The following CRACR2A variants were observed in gnomAD, a reference collection of about 807,000 sequenced individuals.
The protein encoded by CRACR2A is EF-hand calcium-binding domain-containing protein 4B.
In CRACR2A, 79 loss-of-function variants were observed where a neutral mutation model predicts 90.5. The ratio of observed to expected loss-of-function variants is 0.87; its 90% CI spans 0.73 to 1.05. CRACR2A has a LOEUF of 1.05. Ranked by LOEUF, CRACR2A falls within the 50% of genes least tolerant of loss-of-function variation. CRACR2A has a pLI of 0.00. For synonymous variants in CRACR2A, 338 were observed against 356.7 expected, an observed-to-expected ratio of 0.95 and a Z score of 0.59; for missense variants, 823 against 897.2, an observed-to-expected ratio of 0.92 and a Z score of 1.06.
chr12:3,656,284 A>T lies in CRACR2A; in HGVS notation c.858+27T>A, dbSNP rs746269251. Reference sequence around the variant, plus strand: ...AAAAGGAGAGAGTGAAGAGCCAGGTACTCTGGGGCCATGGATGGCAACATA... The same window carrying T: ...AAAAGGAGAGAGTGAAGAGCCAGGTTCTCTGGGGCCATGGATGGCAACATA... On this transcript the variant is annotated intron_variant, in intron 9 of 19. Transcript: ENST00000440314. 2.5e-6 allele frequency: 4 copies of T among 1,607,108 alleles called. No homozygotes were observed. The African/African-American group carries it at 5.4e-5, about 21-fold the overall frequency.
intron 2 of CRACR2A, among the ~76,000 whole-genome samples, chr12:3,723,879 T>C (rs970201146): frequency 1.3e-5 from 2 of 152,202 alleles, no homozygotes; most frequent in Admixed American, 1.3e-4. Context: ...GTCAGTCATA[T>C]GACGGTGTCC....
intron 7 of CRACR2A, among the ~76,000 whole-genome samples, chr12:3,660,277 A>G (rs193166700): frequency 6.6e-6 from 1 of 152,256 alleles, no homozygotes; most frequent in African/African-American, 2.4e-5. Context: ...CCCACCACAA[A>G]GCAAAAGCGA....
chr12:3,636,469 CCT>C (rs1259942650), intron 14 of CRACR2A, among the ~76,000 whole-genome samples: 1 of 152,190 alleles, frequency 6.6e-6, no homozygotes, highest in Non-Finnish European at 1.5e-5. Context: ...GTGGGGCTGG[CCT>C]CTCTCCCCTC....
At chr12:3,698,534 T>C (rs929646485) in intron 3 of CRACR2A, among the ~76,000 whole-genome samples, 1 of 152,186 alleles carries the variant, frequency 6.6e-6, no homozygotes, top group Non-Finnish European at 1.5e-5. Flanking sequence ...ATGAACTTCA[T>C]GTAATAAGGC....
At position 3,679,099 on chromosome 12, in the gene CRACR2A, C is replaced by A; in HGVS notation, c.341-1G>T. On this transcript the variant is annotated splice_acceptor_variant, in intron 5 of 19. Transcript: ENST00000440314. LOFTEE classifies it high-confidence loss of function. ...TTATTCTGGCTGAAGAAGAAGTGACCTGGGGGGTGCAGGGCACAAGGATCC... is the reference window on the plus strand; with the variant it reads ...TTATTCTGGCTGAAGAAGAAGTGACATGGGGGGTGCAGGGCACAAGGATCC... The A allele has an allele frequency of 6.2e-7, 1 of 1,610,814 alleles. No homozygotes were observed. Among genetic ancestry groups the A allele is most frequent in the African/African-American group, 1.3e-5 (1 of 74,930 alleles).
intron 3 of CRACR2A, among the ~76,000 whole-genome samples, chr12:3,697,923 G>A (rs1945770375): frequency 6.6e-6 from 1 of 152,178 alleles, no homozygotes; most frequent in Non-Finnish European, 1.5e-5. Context: ...GCAATGTGAT[G>A]TGGAAGAGGG....
chr12:3,683,545 C>G (rs573314121), intron 4 of CRACR2A, among the ~76,000 whole-genome samples: 1 of 152,320 alleles, frequency 6.6e-6, no homozygotes, highest in East Asian at 1.9e-4. Context: ...ACTCTCAGCT[C>G]CTGCGTCACT....
At chr12:3,640,634 G>C (rs1310078232) in intron 13 of CRACR2A, 1 of 1,305,140 alleles carries the variant, frequency 7.7e-7, no homozygotes, top group African/African-American at 1.5e-5. Context: ...ATGATGATCA[G>C]GCCCAAAGGT....
rs79262000 is a variant in CRACR2A, at chr12:3,641,471, T to A, written c.1271+261A>T. On this transcript the variant is annotated intron_variant, in intron 13 of 19. Coordinates refer to ENST00000440314, the MANE Select transcript of CRACR2A (RefSeq NM_001144958.2). The stretch of plus-strand genomic sequence containing the variant: ...ACCCCTCTCCTCTGCTGCTCTGCAG[T>A]CCCTCTCTGCAAACACACAGTAGGG... Among the ~76,000 whole-genome samples, 787 of 152,338 alleles carry A rather than the reference T, an allele frequency of 5.2e-3. 7 individuals carry two copies. The highest frequency in any genetic ancestry group is 8.0e-3 in the Non-Finnish European group (546 of 68,024).
In CRACR2A at chr12:3,633,745, G is replaced by T; in HGVS notation, c.1603-9C>A. Reference sequence around the variant, plus strand: ...GAGGGAGAGCTTTCCTCCTGTGGATGGCACACAATCTGACCAACTGCAGGG... The same window carrying T: ...GAGGGAGAGCTTTCCTCCTGTGGATTGCACACAATCTGACCAACTGCAGGG... On this transcript the variant is annotated splice_polypyrimidine_tract_variant and intron_variant, in intron 14 of 19. Coordinates refer to ENST00000440314, the MANE Select transcript of CRACR2A (RefSeq NM_001144958.2). This position sits in a 1 kb window ranked among gnomAD's most constrained non-coding sequence, Gnocchi z 4.5. 6.4e-7 allele frequency: 1 copy of T among 1,551,602 alleles called. No homozygotes were observed. The highest frequency in any genetic ancestry group is 1.2e-5 in the South Asian group (1 of 84,052).
At chr12:3,618,002 T>G (rs934908637) in intron 18 of CRACR2A, among the ~76,000 whole-genome samples, 1 of 151,778 alleles carries the variant, frequency 6.6e-6, no homozygotes, top group Admixed American at 6.6e-5. Flanking sequence ...TGTCAAAGAG[T>G]AGAAGTTCCA....
chr12:3,731,534 G>C (rs1331732153), intron 2 of CRACR2A: 4 of 152,272 alleles, frequency 2.6e-5, no homozygotes, highest in Admixed American at 2.6e-4. Context: ...GTCACTTTCA[G>C]GCAGCACCAT....
chr12:3,643,917 TTATA>T (rs1359937368), intron 12 of CRACR2A, among the ~76,000 whole-genome samples: 1 of 110,938 alleles, frequency 9.0e-6, no homozygotes, highest in Admixed American at 1.2e-4. Flanking sequence ...TATATTTATA[TTATA>T]TATATATATA....
intron 5 of CRACR2A, 24 bp from the exon 6 acceptor site, chr12:3,679,122 T>C (rs1345503341): frequency 1.2e-6 from 2 of 1,600,472 alleles, no homozygotes; most frequent in East Asian, 4.5e-5. Flanking sequence ...GGCACAAGGA[T>C]CCGAATTAGA....
At chr12:3,707,690 C>T (rs1362959847) in intron 3 of CRACR2A, among the ~76,000 whole-genome samples, 1 of 152,202 alleles carries the variant, frequency 6.6e-6, no homozygotes, top group Non-Finnish European at 1.5e-5. Context: ...TTCCCATGAA[C>T]AAGCTTTTTT....
chr12:3,651,244 C>T (rs1255900357), intron 10 of CRACR2A, among the ~76,000 whole-genome samples: 2 of 152,212 alleles, frequency 1.3e-5, no homozygotes, highest in Non-Finnish European at 2.9e-5. Flanking sequence ...GCTTAGTATG[C>T]TACTGATTTA....
chr12:3,643,806 T>G (rs1456118039), intron 12 of CRACR2A, among the ~76,000 whole-genome samples: 1 of 84,752 alleles, frequency 1.2e-5, no homozygotes, highest in African/African-American at 5.3e-5. Flanking sequence ...TAATATATAT[T>G]ATATATATAT....
At chr12:3,668,004 C>T (rs934298639) in intron 7 of CRACR2A, among the ~76,000 whole-genome samples, 1 of 152,258 alleles carries the variant, frequency 6.6e-6, no homozygotes, top group Non-Finnish European at 1.5e-5. Context: ...TATAAACCAA[C>T]TTTGCAGCTT....
At chr12:3,671,935 C>T (rs7974014) in intron 7 of CRACR2A, among the ~76,000 whole-genome samples, 22,496 of 152,186 alleles carry the variant, frequency 0.15, 1,849 homozygotes, top group South Asian at 0.26. Context: ...CTAAGTTGCA[C>T]AGCTAGTAAA....
Sources: gnomAD v4.1 joint callset for allele counts (sites outside exome capture counted in the v4.1 genomes callset) on GRCh38, gnomAD v4.1.1 for gene constraint, Gnocchi (gnomAD v3.1) non-coding constraint, MANE v1.5 for transcripts, NCBI Gene and HGNC (gene_info 2026-07-23, HGNC 2026-07-21) for gene names.